The following EPHX2 variants were observed in gnomAD, a reference collection of about 807,000 sequenced individuals.
The protein encoded by EPHX2 is epoxide hydrolase 2.
A neutral mutation model predicts 78.7 loss-of-function variants in EPHX2; 74 were observed. The observed-to-expected ratio is 0.94, with a 90% CI of 0.78 to 1.14. EPHX2 has a LOEUF of 1.14. Among genes scored for constraint, EPHX2 ranks in the 50% most tolerant of loss-of-function variants. The probability of loss-of-function intolerance (pLI) is 0.00; values close to 1 mark genes in which losing one functional copy is unlikely to be tolerated. For missense variants in EPHX2, 715 were observed against 702.5 expected (o/e 1.02, Z -0.20); for synonymous variants, 251 against 255.2 (o/e 0.98, Z 0.16).
chr8:27,503,690 CT>C lies in EPHX2; in HGVS notation c.276del (p.Phe92LeufsTer48). The C allele has an allele frequency of 6.2e-7, 1 of 1,614,006 alleles. No homozygotes were observed. Among genetic ancestry groups the C allele is most frequent in the Non-Finnish European group, 8.5e-7 (1 of 1,179,998 alleles). On this transcript the variant is annotated frameshift_variant, in exon 3 of 19. Transcript: ENST00000521400. LOFTEE classifies it high-confidence loss of function. ...CCAAGAATTTCTCCATAAAAGAAAT[CT>C]TTGACAAGGCGATTTCAGCCAGAAA... ...LPKNFSIKEI[F>X]DKAISARKIN...
In EPHX2 at chr8:27,525,355, T is replaced by C. The variant is rs1467227627; in HGVS notation, c.1059-7T>C. On this transcript the variant is annotated splice_polypyrimidine_tract_variant and splice_region_variant and intron_variant, in intron 11 of 18. Coordinates refer to ENST00000521400, the MANE Select transcript of EPHX2 (RefSeq NM_001979.6). ...GGGCTATGTCTTGCTGCCTCTTATTTCTGTAGGGCGGTGGCCAGTTTGAAT... is the reference window on the plus strand; with the variant it reads ...GGGCTATGTCTTGCTGCCTCTTATTCCTGTAGGGCGGTGGCCAGTTTGAAT... The C allele has an allele frequency of 6.2e-7, 1 of 1,613,708 alleles. No individual in the cohort carries two copies. The highest frequency in any genetic ancestry group is 8.5e-7 in the Non-Finnish European group (1 of 1,179,642).
At chr8:27,508,425 C>A (rs1241610251) in intron 5 of EPHX2, among the ~76,000 whole-genome samples, 1 of 152,152 alleles carries the variant, frequency 6.6e-6, no homozygotes, top group East Asian at 1.9e-4. Flanking sequence ...AAAATGTATA[C>A]CCAGTGACTC....
intron 10 of EPHX2, among the ~76,000 whole-genome samples, chr8:27,521,919 G>C (rs1814661065): frequency 6.6e-6 from 1 of 152,190 alleles, no homozygotes. Flanking sequence ...GTGACACGTG[G>C]CTATAGCTCT....
downstream of EPHX2, among the ~76,000 whole-genome samples, chr8:27,546,271 G>T (rs1227959843): frequency 6.6e-6 from 1 of 152,162 alleles, no homozygotes; most frequent in Non-Finnish European, 1.5e-5. Context: ...TAAAAAAGGG[G>T]ACGTTAGTAG....
chr8:27,506,746 C>T (rs1348802510), intron 4 of EPHX2, 126 bp from the exon 5 acceptor site: 1 of 1,335,694 alleles, frequency 7.5e-7, no homozygotes, highest in Non-Finnish European at 1.0e-6. Flanking sequence ...TAATTAAATG[C>T]TTTCCATTTT....
In EPHX2 at chr8:27,544,704, T is replaced by G; in HGVS notation, c.*182T>G. The G allele has an allele frequency of 1.6e-6, 1 of 635,676 alleles. No homozygotes were observed. The allele number at this position is 635,676 out of a possible 1,614,324, so 39.4% of individuals were successfully genotyped here. ...GAATCAAATTTGACATTATTTTAGA[T>G]CCCAGAGAAATCAGGTGTGATTAGT... On this transcript the variant is annotated 3_prime_UTR_variant, in exon 19 of 19. Transcript: ENST00000521400.
At chr8:27,518,597 A>G (rs1814541482) in intron 9 of EPHX2, among the ~76,000 whole-genome samples, 1 of 152,196 alleles carries the variant, frequency 6.6e-6, no homozygotes, top group Non-Finnish European at 1.5e-5. Flanking sequence ...GCAGCTCAGG[A>G]GCAAAAGCAA....
downstream of EPHX2, among the ~76,000 whole-genome samples, chr8:27,546,530 A>G (rs557706727): frequency 1.2e-4 from 19 of 152,216 alleles, no homozygotes; most frequent in Non-Finnish European, 2.5e-4. Flanking sequence ...ACCAGATCAC[A>G]TTATTTTCCT....
At chr8:27,506,751 C>T in intron 4 of EPHX2, 121 bp from the exon 5 acceptor site, 1 of 1,371,426 alleles carries the variant, frequency 7.3e-7, no homozygotes, top group East Asian at 2.3e-5. Flanking sequence ...AAATGCTTTC[C>T]ATTTTAGCAG....
intron 2 of EPHX2, among the ~76,000 whole-genome samples, chr8:27,503,196 C>T (rs2132720068): frequency 6.6e-6 from 1 of 152,342 alleles, no homozygotes; most frequent in East Asian, 1.9e-4. Context: ...GACACCAAAT[C>T]TGCTGGAGCC....
At chr8:27,503,007 C>T (rs1813857569) in intron 2 of EPHX2, among the ~76,000 whole-genome samples, 1 of 152,026 alleles carries the variant, frequency 6.6e-6, no homozygotes, top group Admixed American at 6.5e-5. Context: ...ATCCTAACCC[C>T]CAAGGTGATG....
chr8:27,545,937 A>G (rs1378715100), downstream of EPHX2, among the ~76,000 whole-genome samples: 1 of 152,108 alleles, frequency 6.6e-6, no homozygotes, highest in Admixed American at 6.5e-5. Context: ...ATCCTTCCAG[A>G]GAGTCCTTCC....
intron 11 of EPHX2, among the ~76,000 whole-genome samples, 190 bp from the exon 12 acceptor site, chr8:27,525,171 GA>G (rs1246597898): frequency 1.9e-4 from 29 of 151,110 alleles, no homozygotes; most frequent in African/African-American, 6.1e-4. Context: ...AGTTTAGTAG[GA>G]AAAAAACCAA....
At chr8:27,501,481 G>A (rs1261807845) in intron 2 of EPHX2, among the ~76,000 whole-genome samples, 1 of 151,506 alleles carries the variant, frequency 6.6e-6, no homozygotes, top group Non-Finnish European at 1.5e-5. Flanking sequence ...ATGGCTCACT[G>A]CAGCCTTTAC....
At chr8:27,504,531 C>T (rs1813923837) in intron 3 of EPHX2, among the ~76,000 whole-genome samples, 1 of 152,234 alleles carries the variant, frequency 6.6e-6, no homozygotes, top group Admixed American at 6.5e-5. Context: ...GTAGCATGGA[C>T]TAGAAAGAAT....
At chr8:27,507,035 C>T (rs1448998265) in intron 5 of EPHX2, 41 bp downstream of exon 5, 2 of 1,605,432 alleles carry the variant, frequency 1.2e-6, no homozygotes, top group Non-Finnish European at 1.7e-6. Context: ...CTGGACTCAT[C>T]TGTGGTTTCT....
At chr8:27,506,616 T>C (rs953119336) in intron 4 of EPHX2, among the ~76,000 whole-genome samples, 1 of 152,222 alleles carries the variant, frequency 6.6e-6, no homozygotes, top group African/African-American at 2.4e-5. Flanking sequence ...CCCAGAAGAA[T>C]TTTAATGTCA....
chr8:27,502,710 A>G (rs970514513), intron 2 of EPHX2, among the ~76,000 whole-genome samples: 11 of 152,204 alleles, frequency 7.2e-5, no homozygotes, highest in Middle Eastern at 3.2e-3. Flanking sequence ...GTGTCCTCAC[A>G]TGGTCATCCC....
Position 27,544,246 on chromosome 8 carries a change from T to C in EPHX2, c.1589+2T>C. The stretch of plus-strand genomic sequence containing the variant: ...TGGGCACTGGACACAGATGGACAAG[T>C]AAGGAGGTTGGGGGCTCCTGGGGTC... On this transcript the variant is annotated splice_donor_variant, in intron 18 of 18. Transcript: ENST00000521400. LOFTEE classifies it high-confidence loss of function. The C allele has an allele frequency of 1.2e-6, 2 of 1,614,100 alleles. No homozygotes were observed. The highest frequency in any genetic ancestry group is 1.7e-6 in the Non-Finnish European group (2 of 1,180,006).
Sources: allele counts gnomAD v4.1 joint callset (sites outside exome capture counted in the v4.1 genomes callset), GRCh38; gene constraint gnomAD v4.1.1; transcripts MANE v1.5; gene names NCBI Gene and HGNC (gene_info 2026-07-23, HGNC 2026-07-21).